The following IL1RAPL1 variants were observed in gnomAD, a reference collection of about 807,000 sequenced individuals.
IL1RAPL1 encodes the protein interleukin-1 receptor accessory protein-like 1.
Under a neutral mutation model 48.4 loss-of-function variants are expected in IL1RAPL1, and 3 were observed. The observed-to-expected ratio is 0.06, with a 90% CI of 0.03 to 0.16. The LOEUF (loss-of-function observed/expected upper bound fraction) is 0.16. IL1RAPL1 is among the 10% of genes least tolerant of loss of function. IL1RAPL1 has a pLI of 1.00. For missense variants in IL1RAPL1, 349 were observed against 530.6 expected (o/e 0.66, Z 3.36); for synonymous variants, 185 against 187.7 (o/e 0.99, Z 0.12).
At chrX:29,368,837 G>C (rs1427262364) in intron 3 of IL1RAPL1, among the ~76,000 whole-genome samples, 1 of 109,900 alleles carries the variant, frequency 9.1e-6, no homozygotes, top group African/African-American at 3.3e-5. Flanking sequence ...CCTCTTGACT[G>C]TCTTGCTCTA....
intron 1 of IL1RAPL1, among the ~76,000 whole-genome samples, chrX:28,677,994 T>A (rs1300119552): frequency 1.8e-5 from 2 of 111,165 alleles, no homozygotes; most frequent in African/African-American, 6.6e-5. Context: ...TTGTTATCTG[T>A]AACTATCTCA....
chrX:29,287,802 A>C (rs1055663259), intron 3 of IL1RAPL1, among the ~76,000 whole-genome samples: 7 of 112,057 alleles, frequency 6.2e-5, no homozygotes, highest in Non-Finnish European at 1.1e-4. Context: ...TCTAAATATT[A>C]ATTCTTTTTG....
chrX:28,953,294 A>G (rs1007874433), intron 2 of IL1RAPL1, among the ~76,000 whole-genome samples: 1 of 111,545 alleles, frequency 9.0e-6, no homozygotes, highest in African/African-American at 3.2e-5. Flanking sequence ...ACCCAATCAT[A>G]TTTTAATAGA....
At chrX:29,368,631 G>T (rs1249001607) in intron 3 of IL1RAPL1, among the ~76,000 whole-genome samples, 1 of 100,389 alleles carries the variant, frequency 1.0e-5, no homozygotes, top group African/African-American at 3.8e-5. Context: ...GTCTCCCTAG[G>T]TTGCCCAGGC....
At chrX:28,777,906 A>G (rs1468133) in intron 1 of IL1RAPL1, among the ~76,000 whole-genome samples, 5,134 of 111,436 alleles carry the variant, frequency 0.046, 182 homozygotes, top group African/African-American at 0.12. Context: ...TGAATAATCT[A>G]TCTCACCAGA....
intron 2 of IL1RAPL1, among the ~76,000 whole-genome samples, chrX:29,158,944 CTCCCTCT>C (rs1929626689): frequency 1.6e-5 from 1 of 61,060 alleles, no homozygotes; most frequent in African/African-American, 6.9e-5. Context: ...CCCCCCCTCC[CTCCCTCT>C]CCCTCTCTCT....
intron 8 of IL1RAPL1, among the ~76,000 whole-genome samples, chrX:29,922,376 G>A (rs191302624): frequency 9.9e-4 from 111 of 111,857 alleles, no homozygotes; most frequent in Middle Eastern, 4.6e-3. Flanking sequence ...TCAAATATGC[G>A]TTTATACCAA....
chrX:28,990,561 G>C (rs1168671034), intron 2 of IL1RAPL1, among the ~76,000 whole-genome samples: 1 of 111,454 alleles, frequency 9.0e-6, no homozygotes, highest in Non-Finnish European at 1.9e-5. Flanking sequence ...GCTCACTTTT[G>C]ACCTATAACT....
At chrX:29,710,129 G>T (rs1399715586) in intron 6 of IL1RAPL1, among the ~76,000 whole-genome samples, 1 of 111,246 alleles carries the variant, frequency 9.0e-6, no homozygotes, top group Non-Finnish European at 1.9e-5. Context: ...CACTTCTTCT[G>T]TTCTCATATT....
chrX:29,148,112 A>G lies in IL1RAPL1; in HGVS notation c.83-134826A>G, dbSNP rs373128959. On this transcript the variant is annotated intron_variant, in intron 2 of 10. Coordinates refer to ENST00000378993, the MANE Select transcript of IL1RAPL1 (RefSeq NM_014271.4). ...CATGCATTATATATGCATATATTGT[A>G]TGTGTATGTAAAGTATGTATAGACA... Among the ~76,000 whole-genome samples the G allele has an allele frequency of 3.6e-5, 4 of 112,107 alleles. No individual in the cohort carries two copies. The East Asian group carries it at 1.1e-3, about 31-fold the overall frequency.
intron 5 of IL1RAPL1, among the ~76,000 whole-genome samples, chrX:29,421,020 A>G (rs1270904308): frequency 8.9e-6 from 1 of 112,027 alleles, no homozygotes; most frequent in African/African-American, 3.2e-5. Context: ...TTTTAAAAGC[A>G]TGCACAGCTC....
chrX:28,780,287 C>G (rs1936407055), intron 1 of IL1RAPL1, among the ~76,000 whole-genome samples: 1 of 108,780 alleles, frequency 9.2e-6, no homozygotes, highest in South Asian at 4.0e-4. Flanking sequence ...AGGCATATCT[C>G]TTCCACAGTA....
intron 2 of IL1RAPL1, among the ~76,000 whole-genome samples, chrX:28,857,806 G>GT (rs1461773939): frequency 8.9e-6 from 1 of 111,790 alleles, no homozygotes; most frequent in Non-Finnish European, 1.9e-5. Flanking sequence ...TGCAGCCCAT[G>GT]GATAAAGGTG....
chrX:28,865,934 A>G (rs1922067832), intron 2 of IL1RAPL1, among the ~76,000 whole-genome samples: 1 of 112,150 alleles, frequency 8.9e-6, no homozygotes, highest in Admixed American at 9.5e-5. Flanking sequence ...GAGTTTCAAC[A>G]GAGAAATTAA....
At chrX:29,171,048 G>A (rs776157524) in intron 2 of IL1RAPL1, among the ~76,000 whole-genome samples, 64 of 111,249 alleles carry the variant, frequency 5.8e-4, no homozygotes, top group Non-Finnish European at 1.1e-3. Flanking sequence ...CCAAGCTGGA[G>A]TACAGTGGCA....
intron 2 of IL1RAPL1, among the ~76,000 whole-genome samples, chrX:28,814,842 T>C (rs920111307): frequency 6.3e-5 from 7 of 110,286 alleles, no homozygotes; most frequent in Non-Finnish European, 1.3e-4. Context: ...CAATTATACT[T>C]CTATTTTAAA....
intron 6 of IL1RAPL1, among the ~76,000 whole-genome samples, chrX:29,771,550 C>T (rs1206012257): frequency 8.9e-6 from 1 of 111,892 alleles, no homozygotes; most frequent in Non-Finnish European, 1.9e-5. Context: ...TTTGGAAAAT[C>T]TTAAGAAACT....
intron 2 of IL1RAPL1, among the ~76,000 whole-genome samples, chrX:28,923,624 C>T (rs1270946953): frequency 9.1e-6 from 1 of 110,458 alleles, no homozygotes; most frequent in Non-Finnish European, 1.9e-5. Flanking sequence ...TTGGATTAAA[C>T]GATGAATAGA....
intron 6 of IL1RAPL1, among the ~76,000 whole-genome samples, chrX:29,720,707 C>G (rs1927617716): frequency 9.0e-6 from 1 of 110,887 alleles, no homozygotes; most frequent in Non-Finnish European, 1.9e-5. Context: ...ACCTATGTAA[C>G]AAACCTGCAC....
Sources: allele counts gnomAD v4.1 joint callset (sites outside exome capture counted in the v4.1 genomes callset), GRCh38; gene constraint gnomAD v4.1.1; transcripts MANE v1.5; gene names NCBI Gene and HGNC (gene_info 2026-07-23, HGNC 2026-07-21).